The following GPAT3 variants were observed in gnomAD, a reference collection of about 807,000 sequenced individuals.
GPAT3 encodes the protein glycerol-3-phosphate acyltransferase 3.
A neutral mutation model predicts 58.8 loss-of-function variants in GPAT3; 53 were observed. That is an observed-to-expected ratio of 0.90 (90% CI 0.72 to 1.13). The LOEUF (loss-of-function observed/expected upper bound fraction) is 1.13, where lower values mean the gene tolerates loss of function less well. GPAT3 is among the 50% of genes most tolerant of loss of function. GPAT3 has a pLI of 0.00. For missense variants in GPAT3, 511 were observed against 527.6 expected, an observed-to-expected ratio of 0.97 and a Z score of 0.31; for synonymous variants, 197 against 187.4, an observed-to-expected ratio of 1.05 and a Z score of -0.42.
intron 2 of GPAT3, among the ~76,000 whole-genome samples, chr4:83,550,344 T>C (rs1037305449): frequency 6.6e-6 from 1 of 152,154 alleles, no homozygotes; most frequent in African/African-American, 2.4e-5. Flanking sequence ...AGTTTTTCTT[T>C]AGCATGGCCA....
rs1553946757 is a variant in GPAT3 at position 83,578,948 on chromosome 4, T to TTTTCTTTCTTTCTTTCTTTC, written c.209-2593_209-2574dup. 7.0e-5 allele frequency among the ~76,000 whole-genome samples: 5 copies of TTTTCTTTCTTTCTTTCTTTC among 71,848 alleles called. 1 individual carries two copies. The highest frequency in any genetic ancestry group is 3.9e-4 in the East Asian group (1 of 2,556). The allele number at this position is 71,848 out of a possible 152,430, so 47.1% of individuals were successfully genotyped here. On this transcript the variant is annotated intron_variant, in intron 2 of 11. Coordinates refer to ENST00000264409, the MANE Select transcript of GPAT3 (RefSeq NM_032717.5). ...TTCTTTCTTTCTTTCTTTTCTTTTC[T>TTTTCTTTCTTTCTTTCTTTC]TTTCTTTCTTTCTTTCTTTCTTTCT... is the stretch of plus-strand genomic sequence containing the variant.
At chr4:83,602,858 G>A (rs1441186932) in intron 11 of GPAT3, among the ~76,000 whole-genome samples, 1 of 152,166 alleles carries the variant, frequency 6.6e-6, no homozygotes, top group Non-Finnish European at 1.5e-5. Context: ...AGGCTTATGT[G>A]GACAATTCTG....
Position 83,604,686 on chromosome 4 carries a change from A to G in GPAT3, c.1224A>G (p.Arg408=). ...TELPWDGGLK[R]AKVKDIFKEE... is the part of the protein sequence containing the mutation. ...TTTGCAGGGATGGAGGACTAAAGAG[A>G]GCAAAGGTGAAGGACATCTTTAAGG... The change falls in exon 12 of 12, where the codon AGA becomes AGG. Residue 408 remains arginine, a synonymous_variant. Transcript: ENST00000264409. 1 of 1,613,910 alleles carries G rather than the reference A, an allele frequency of 6.2e-7. No homozygotes were observed. Among genetic ancestry groups the G allele is most frequent in the South Asian group, 1.1e-5 (1 of 91,072 alleles).
chr4:83,536,044 G>T, upstream of GPAT3: 1 of 985,204 alleles, frequency 1.0e-6, no homozygotes, highest in Non-Finnish European at 1.2e-6. Context: ...CCCCCGTTGG[G>T]TGACGGAGGA....
At chr4:83,573,036 T>A (rs2110090135) in intron 2 of GPAT3, among the ~76,000 whole-genome samples, 1 of 152,358 alleles carries the variant, frequency 6.6e-6, no homozygotes, top group South Asian at 2.1e-4. Flanking sequence ...TAGTGATTAA[T>A]GAACTGTAGA....
chr4:83,575,467 C>CAGTGA (rs1199547353), intron 2 of GPAT3, among the ~76,000 whole-genome samples: 1 of 152,096 alleles, frequency 6.6e-6, no homozygotes, highest in Non-Finnish European at 1.5e-5. Flanking sequence ...GGCTGGAGTG[C>CAGTGA]AGTGGTGCGA....
chr4:83,598,394 C>T (rs1424117623), intron 10 of GPAT3: 16 of 719,354 alleles, frequency 2.2e-5, no homozygotes, highest in Non-Finnish European at 3.1e-5. Flanking sequence ...GTTTATTGAA[C>T]CTACAGATAT....
At chr4:83,569,935 C>A (rs930507048) in intron 2 of GPAT3, among the ~76,000 whole-genome samples, 4 of 152,198 alleles carry the variant, frequency 2.6e-5, no homozygotes, top group Admixed American at 2.0e-4. Context: ...TAGATAGGGG[C>A]CATATATAGA....
At chr4:83,593,819 C>T (rs1163341508) in intron 6 of GPAT3, among the ~76,000 whole-genome samples, 1 of 152,074 alleles carries the variant, frequency 6.6e-6, no homozygotes, top group Non-Finnish European at 1.5e-5. Context: ...ATTTAAAATC[C>T]AATTGGGTTC....
Position 83,574,574 on chromosome 4 carries a change from C to G in GPAT3, c.209-6988C>G, listed in dbSNP as rs577571939. Among the ~76,000 whole-genome samples, 11 of 128,552 alleles carry G rather than the reference C, an allele frequency of 8.6e-5. No homozygotes were observed. In the East Asian group the frequency reaches 2.7e-3, roughly 32 times the overall value. 84.3% of individuals were successfully genotyped at this position (128,552 alleles called of 152,430 possible). ...AAGCATTTGGTGTAAGAACAAAGTT[C>G]AAACGTTTATGGCTTTACCCTTTTA... is the stretch of plus-strand genomic sequence containing the variant. On this transcript the variant is annotated intron_variant, in intron 2 of 11. Coordinates refer to ENST00000264409, the MANE Select transcript of GPAT3 (RefSeq NM_032717.5).
Position 83,588,270 on chromosome 4 carries a change from C to T in GPAT3, c.615C>T (p.Ala205=), listed in dbSNP as rs760058325. The T allele has an allele frequency of 2.5e-6, 4 of 1,613,336 alleles. No individual in the cohort carries two copies. Among genetic ancestry groups the T allele is most frequent in the Non-Finnish European group, 3.4e-6 (4 of 1,179,800 alleles). Residue 205 remains alanine (A), a synonymous_variant, in exon 5 of 12, where the codon GCC becomes GCT. Transcript: ENST00000264409. ...HLTCCRICVR[A]LSGTIHYHNK... is the part of the protein sequence containing the mutation. ...CTTGCTGCCGGATCTGTGTGCGAGC[C>T]CTCTCTGGTACCATTCATTATCATA... is the stretch of plus-strand genomic sequence containing the variant.
intron 2 of GPAT3, among the ~76,000 whole-genome samples, chr4:83,580,005 G>T (rs1399237126): frequency 1.3e-5 from 2 of 152,102 alleles, no homozygotes; most frequent in African/African-American, 4.8e-5. Flanking sequence ...TATCTCAAAA[G>T]AAAATATTTT....
In GPAT3 at chr4:83,590,290, A is replaced by T. The variant is rs1379273761; in HGVS notation, c.736A>T (p.Met246Leu). 6.2e-7 allele frequency: 1 copy of T among 1,612,876 alleles called. No individual in the cohort carries two copies. Among genetic ancestry groups the T allele is most frequent in the Admixed American group, 1.7e-5 (1 of 59,958 alleles). Reference protein sequence around the residue: ...LILTTDGCYAMVGQVHGGLMG... With the variant: ...LILTTDGCYALVGQVHGGLMG... ...CTTGACAACGGATGGATGTTATGCT[A>T]TGGTAAGAGCAGCTCATTGATATTT... Residue 246 changes from methionine to leucine, a missense_variant and splice_region_variant, in exon 6 of 12, where the codon ATG (methionine) becomes TTG (leucine). Physicochemically the swap from Met to Leu is conservative, Grantham distance 15. Transcript: ENST00000264409.
intron 11 of GPAT3, 109 bp from the exon 12 acceptor site, chr4:83,604,559 A>G: frequency 1.3e-6 from 1 of 783,094 alleles, no homozygotes; most frequent in Non-Finnish European, 1.9e-6. Flanking sequence ...CCCTTATTTC[A>G]TCCCAGCTGC....
intron 2 of GPAT3, among the ~76,000 whole-genome samples, chr4:83,574,624 A>ATTTTTTTTTTTTTTTTTTTTTTTTTTTTT (rs561972057): frequency 3.6e-5 from 2 of 55,592 alleles, no homozygotes; most frequent in Non-Finnish European, 7.0e-5. Context: ...AGTAAAATGA[A>ATTTTTTTTTTTTTTTTTTTTTTTTTTTTT]TTTTTTTTTT....
intron 5 of GPAT3, 111 bp from the exon 6 acceptor site, chr4:83,590,087 GA>G (rs111907426): frequency 2.3e-3 from 2,070 of 887,870 alleles, no homozygotes; most frequent in South Asian, 2.7e-3. Flanking sequence ...AGTGAGACGC[GA>G]AAAAAAAAAT....
intron 2 of GPAT3, among the ~76,000 whole-genome samples, chr4:83,566,498 G>A (rs1244577766): frequency 2.7e-5 from 4 of 150,330 alleles, no homozygotes; most frequent in African/African-American, 4.9e-5. Context: ...TCTGGAAGTC[G>A]TGACCTTAAG....
At chr4:83,564,197 T>C (rs1725295022) in intron 2 of GPAT3, among the ~76,000 whole-genome samples, 1 of 152,218 alleles carries the variant, frequency 6.6e-6, no homozygotes, top group African/African-American at 2.4e-5. Context: ...TGTAAATATA[T>C]GTCTAACTTT....
At chr4:83,595,532 G>T (rs1726789198) in intron 7 of GPAT3, among the ~76,000 whole-genome samples, 1 of 151,956 alleles carries the variant, frequency 6.6e-6, no homozygotes, top group African/African-American at 2.4e-5. Flanking sequence ...GACCAGCCTG[G>T]GCAGTATAGT....
Sources: allele counts gnomAD v4.1 joint callset (sites outside exome capture counted in the v4.1 genomes callset), GRCh38; gene constraint gnomAD v4.1.1; transcripts MANE v1.5; gene names NCBI Gene and HGNC (gene_info 2026-07-23, HGNC 2026-07-21).